EVL: variants seen among roughly 807,000 people sequenced by gnomAD.
EVL encodes ena/VASP-like protein.
A neutral mutation model predicts 59.6 loss-of-function variants in EVL; 21 were observed. That is an observed-to-expected ratio of 0.35 (90% CI 0.25 to 0.51). The LOEUF (loss-of-function observed/expected upper bound fraction) is 0.51. Among genes scored for constraint, EVL ranks in the 20% least tolerant of loss-of-function variants. EVL has a pLI of 0.97. For synonymous variants in EVL, 198 were observed against 203.5 expected (o/e 0.97, Z 0.23); for missense variants, 462 against 546.6 (o/e 0.85, Z 1.54).
chr14:100,133,632 C>T (rs769057724), intron 8 of EVL, among the ~76,000 whole-genome samples: 1 of 152,206 alleles, frequency 6.6e-6, no homozygotes, highest in Non-Finnish European at 1.5e-5. Context: ...CTGCATCACC[C>T]TTACACCTTA....
chr14:100,126,607 C>T, intron 4 of EVL, 100 bp from the exon 5 acceptor site: 1 of 1,341,832 alleles, frequency 7.5e-7, no homozygotes, highest in Non-Finnish European at 1.1e-6. Flanking sequence ...GCTGGCGAAA[C>T]CTGACTCTGA....
At position 100,138,238 on chromosome 14, in the gene EVL, A is replaced by G. The variant is rs190972260; in HGVS notation, c.1094+436A>G. 326 of 225,884 alleles carry G rather than the reference A, an allele frequency of 1.4e-3. 5 individuals are homozygous for G. Among genetic ancestry groups the G allele is most frequent in the Non-Finnish European group, 5.7e-4 (65 of 113,408 alleles). 14.0% of individuals were successfully genotyped at this position (225,884 alleles called of 1,614,324 possible). Reference sequence around the variant, plus strand: ...TGGTCACTAGCCAGGGCTGCACCCTACAGTTCAACCAGTCCTAGCACTGGC... The same window carrying G: ...TGGTCACTAGCCAGGGCTGCACCCTGCAGTTCAACCAGTCCTAGCACTGGC... On this transcript the variant is annotated intron_variant, in intron 11 of 13. Transcript: ENST00000392920.
At chr14:100,074,062 G>A (rs1344631969) in intron 1 of EVL, among the ~76,000 whole-genome samples, 3 of 152,146 alleles carry the variant, frequency 2.0e-5, no homozygotes, top group African/African-American at 7.2e-5. Context: ...GGAAAGCACA[G>A]GAGCAAATCA....
At chr14:100,014,281 C>A (rs901691217) in intron 1 of EVL, among the ~76,000 whole-genome samples, 1 of 151,884 alleles carries the variant, frequency 6.6e-6, no homozygotes, top group African/African-American at 2.4e-5. Context: ...ATTTTTAGCC[C>A]CTATTCTAAT....
chr14:99,999,028 TA>T (rs2060930529), intron 1 of EVL, among the ~76,000 whole-genome samples: 1 of 148,722 alleles, frequency 6.7e-6, no homozygotes, highest in African/African-American at 2.5e-5. Context: ...TATTATACTT[TA>T]TAATTTATAA....
At chr14:100,015,499 G>A (rs1446483501) in intron 1 of EVL, among the ~76,000 whole-genome samples, 1 of 152,176 alleles carries the variant, frequency 6.6e-6, no homozygotes, top group Non-Finnish European at 1.5e-5. Flanking sequence ...GGGCTAGGGA[G>A]GGTATTCTTA....
intron 1 of EVL, among the ~76,000 whole-genome samples, chr14:100,033,818 A>G (rs2061348637): frequency 6.6e-6 from 1 of 152,242 alleles, no homozygotes; most frequent in African/African-American, 2.4e-5. Flanking sequence ...CAGAGCTGGC[A>G]TTTGAACCCA....
chr14:100,065,435 C>G lies in EVL; in HGVS notation c.-66C>G. ...TTCAGAGGGTCTGTGGTCCTCTGATCAACATAGGCTGGTGGGAGTACAGGA... is the reference window on the plus strand; with the variant it reads ...TTCAGAGGGTCTGTGGTCCTCTGATGAACATAGGCTGGTGGGAGTACAGGA... On this transcript the variant is annotated 5_prime_UTR_variant, in exon 1 of 14. In the 5' UTR this introduces an upstream ATG that the reference lacks. Transcript: ENST00000392920. The G allele has an allele frequency of 7.4e-7, 1 of 1,348,248 alleles. No individual in the cohort carries two copies. Among genetic ancestry groups the G allele is most frequent in the Non-Finnish European group, 9.7e-7 (1 of 1,034,562 alleles). The allele number at this position is 1,348,248 out of a possible 1,614,324, so 83.5% of individuals were successfully genotyped here.
At chr14:100,070,272 G>C (rs1029929161) in intron 1 of EVL, among the ~76,000 whole-genome samples, 1 of 151,938 alleles carries the variant, frequency 6.6e-6, no homozygotes, top group Non-Finnish European at 1.5e-5. Context: ...ACCTCAAAAA[G>C]AAAAGAAAAC....
rs376034015 is a variant in EVL, at chr14:100,120,248, C to A, written c.359-3291C>A. Among the ~76,000 whole-genome samples the A allele has an allele frequency of 3.9e-5, 6 of 152,346 alleles. 1 individual carries two copies. The highest frequency in any genetic ancestry group is 1.4e-4 in the African/African-American group (6 of 41,578). The stretch of plus-strand genomic sequence containing the variant: ...TTTCACTCAAGTCAGTTCAGCATGA[C>A]TCCTTCACCTGAACTTTTCCCCAAG... On this transcript the variant is annotated intron_variant, in intron 3 of 13. Transcript: ENST00000392920.
intron 1 of EVL, among the ~76,000 whole-genome samples, chr14:100,058,143 C>CA (rs1275478870): frequency 6.6e-6 from 1 of 152,182 alleles, no homozygotes; most frequent in African/African-American, 2.4e-5. Context: ...GTCACCACAG[C>CA]AAGTTTTTGA....
chr14:100,057,551 G>C (rs1340412697), intron 1 of EVL, among the ~76,000 whole-genome samples: 1 of 152,062 alleles, frequency 6.6e-6, no homozygotes, highest in Non-Finnish European at 1.5e-5. Context: ...TCTGGTATAA[G>C]AAACAGTTGG....
chr14:99,982,729 C>T (rs1344439687), intron 1 of EVL, among the ~76,000 whole-genome samples: 1 of 152,182 alleles, frequency 6.6e-6, no homozygotes, highest in Non-Finnish European at 1.5e-5. Context: ...ATCTACTCTT[C>T]AGTTTGCAGT....
chr14:100,068,631 C>A (rs1489210416), intron 1 of EVL, among the ~76,000 whole-genome samples: 1 of 152,134 alleles, frequency 6.6e-6, no homozygotes, highest in Non-Finnish European at 1.5e-5. Context: ...TGAGAAGTCA[C>A]CAGATTCAGG....
chr14:100,072,345 C>T (rs1048085071), intron 1 of EVL, among the ~76,000 whole-genome samples: 7 of 152,204 alleles, frequency 4.6e-5, no homozygotes, highest in Admixed American at 3.3e-4. Context: ...AGCAGTTCTC[C>T]TGCCTCAGCC....
rs985441654 is a variant in EVL at position 100,127,832 on chromosome 14, T to C, written c.488-687T>C. Among the ~76,000 whole-genome samples, 2 of 152,266 alleles carry C rather than the reference T, an allele frequency of 1.3e-5. No individual in the cohort carries two copies. The highest frequency in any genetic ancestry group is 4.8e-5 in the African/African-American group (2 of 41,476). On this transcript the variant is annotated intron_variant, in intron 5 of 13. Transcript: ENST00000392920. The surrounding 1 kb of genome is among the most constrained non-coding windows in gnomAD (Gnocchi z 4.2). The stretch of plus-strand genomic sequence containing the variant: ...CCTGCCCTTGGTAACACTTGTCAGC[T>C]TGCCACAGTCCTCCATCTGCGTTTA...
chr14:100,120,189 C>T (rs1887606953), intron 3 of EVL, among the ~76,000 whole-genome samples: 1 of 152,212 alleles, frequency 6.6e-6, no homozygotes, highest in African/African-American at 2.4e-5. Context: ...CTTCTAATCC[C>T]TATATCTCCG....
chr14:100,020,476 T>C (rs540399942), intron 1 of EVL, among the ~76,000 whole-genome samples: 2 of 151,480 alleles, frequency 1.3e-5, no homozygotes, highest in South Asian at 2.1e-4. Context: ...TGTGTGTGTG[T>C]GCACGCACAC....
At chr14:99,982,055 A>T (rs1409525267) in intron 1 of EVL, among the ~76,000 whole-genome samples, 1 of 152,204 alleles carries the variant, frequency 6.6e-6, no homozygotes, top group Non-Finnish European at 1.5e-5. Flanking sequence ...TTCATGAAAC[A>T]GTTAAGGAGA....
Sources: allele counts gnomAD v4.1 joint callset (sites outside exome capture counted in the v4.1 genomes callset), GRCh38; gene constraint gnomAD v4.1.1; non-coding constraint Gnocchi (gnomAD v3.1); transcripts MANE v1.5; gene names NCBI Gene and HGNC (gene_info 2026-07-23, HGNC 2026-07-21).